ZSCAN4: variants seen among roughly 807,000 people sequenced by gnomAD.
ZSCAN4 encodes zinc finger and SCAN domain-containing protein 4.
In ZSCAN4, 18 loss-of-function variants were observed where a neutral mutation model predicts 18.3. That is an observed-to-expected ratio of 0.98 (90% CI 0.68 to 1.46). ZSCAN4 has a LOEUF of 1.46. ZSCAN4 is among the 40% of genes most tolerant of loss of function. The pLI is 0.00. For synonymous variants in ZSCAN4, 193 were observed against 180.3 expected (o/e 1.07, Z -0.57); for missense variants, 498 against 511.4 (o/e 0.97, Z 0.25).
At chr19:57,665,446 C>T (rs989662530), upstream of ZSCAN4, among the ~76,000 whole-genome samples, 1 of 152,060 alleles carries the variant, frequency 6.6e-6, no homozygotes, top group Non-Finnish European at 1.5e-5. Flanking sequence ...TCTGCAGACA[C>T]AAATATGTTT....
the ZSCAN4 span, among the ~76,000 whole-genome samples, chr19:57,663,343 C>T: frequency 6.6e-6 from 1 of 151,470 alleles, no homozygotes; most frequent in Non-Finnish European, 1.5e-5. Context: ...CACATACACA[C>T]ACATTTCCTT....
At chr19:57,676,497 T>C (rs986869398) in exon 3 of ZSCAN4, 11 of 1,613,916 alleles carry the variant, frequency 6.8e-6, no homozygotes, top group Non-Finnish European at 9.3e-6. Context: ...CTTGGAGAGA[T>C]TCATAGAAGA....
chr19:57,655,518 T>C, the ZSCAN4 span, among the ~76,000 whole-genome samples: 2 of 152,188 alleles, frequency 1.3e-5, no homozygotes, highest in Non-Finnish European at 2.9e-5. Context: ...AAGGATCTTA[T>C]GTGTGTCTAT....
the ZSCAN4 span, among the ~76,000 whole-genome samples, chr19:57,660,117 A>T: frequency 1.1e-4 from 16 of 152,194 alleles, no homozygotes; most frequent in Non-Finnish European, 2.1e-4. Flanking sequence ...CATCATTCTG[A>T]CACCAGATGC....
At chr19:57,677,988 C>G in exon 4 of ZSCAN4, 1 of 1,602,568 alleles carries the variant, frequency 6.2e-7, no homozygotes, top group Non-Finnish European at 8.5e-7. Context: ...TTGTTCATCT[C>G]ACAAAACAAG....
At chr19:57,678,108 G>T (rs145363104) in intron 4 of ZSCAN4, 29 bp downstream of exon 4, 2 of 1,590,482 alleles carry the variant, frequency 1.3e-6, no homozygotes, top group South Asian at 2.3e-5. Flanking sequence ...CACAACTGAG[G>T]AGTGTTCTAT....
chr19:57,659,063 T>C, the ZSCAN4 span, among the ~76,000 whole-genome samples: 3 of 152,076 alleles, frequency 2.0e-5, no homozygotes, highest in Admixed American at 2.0e-4. Flanking sequence ...ACAAGAAATA[T>C]ATAATCTGTA....
At chr19:57,673,248 C>T (rs1352629654) in intron 2 of ZSCAN4, among the ~76,000 whole-genome samples, 1 of 151,866 alleles carries the variant, frequency 6.6e-6, no homozygotes, top group South Asian at 2.1e-4. Flanking sequence ...AGGGTTTCAC[C>T]ACGTCTCATC....
At chr19:57,672,604 C>CTT (rs71188041) in intron 2 of ZSCAN4, among the ~76,000 whole-genome samples, 15 of 137,290 alleles carry the variant, frequency 1.1e-4, no homozygotes, top group African/African-American at 3.5e-4. Context: ...ACATAGTTAT[C>CTT]TTTTTTTTTT....
At chr19:57,668,184 A>C (rs947083321), upstream of ZSCAN4, among the ~76,000 whole-genome samples, 66 of 152,056 alleles carry the variant, frequency 4.3e-4, no homozygotes, top group African/African-American at 1.5e-3. Flanking sequence ...GATTACAGGC[A>C]TGAGCCACTG....
chr19:57,653,247 C>T, the ZSCAN4 span, among the ~76,000 whole-genome samples: 2 of 152,198 alleles, frequency 1.3e-5, no homozygotes, highest in East Asian at 3.9e-4. Context: ...ATTAGCCGGG[C>T]ATGGTGGTAC....
At chr19:57,677,567 TAATC>T (rs1251698989) in intron 3 of ZSCAN4, among the ~76,000 whole-genome samples, 1 of 152,208 alleles carries the variant, frequency 6.6e-6, no homozygotes. Context: ...AGTTCAGGAT[TAATC>T]AATAATATAT....
the ZSCAN4 span, among the ~76,000 whole-genome samples, chr19:57,659,697 A>T: frequency 6.6e-6 from 1 of 152,098 alleles, no homozygotes; most frequent in Non-Finnish European, 1.5e-5. Flanking sequence ...ATGACTAAAA[A>T]ACTCACACAC....
At chr19:57,658,853 A>AAG in the ZSCAN4 span, among the ~76,000 whole-genome samples, 7 of 150,916 alleles carry the variant, frequency 4.6e-5, no homozygotes, top group African/African-American at 1.7e-4. Flanking sequence ...AAAAAAAAAA[A>AAG]GAAGTAATAT....
chr19:57,654,853 G>T, the ZSCAN4 span, among the ~76,000 whole-genome samples: 115 of 152,220 alleles, frequency 7.6e-4, no homozygotes, highest in African/African-American at 2.7e-3. Flanking sequence ...TATTCCCACA[G>T]GGGGGCTGGA....
At chr19:57,667,484 T>C (rs762809102), upstream of ZSCAN4, among the ~76,000 whole-genome samples, 3 of 152,190 alleles carry the variant, frequency 2.0e-5, no homozygotes, top group Non-Finnish European at 4.4e-5. Flanking sequence ...TGGAGTTATT[T>C]AGGATCTACT....
chr19:57,655,015 A>T, the ZSCAN4 span, among the ~76,000 whole-genome samples: 1 of 151,996 alleles, frequency 6.6e-6, no homozygotes, highest in African/African-American at 2.4e-5. Flanking sequence ...CAGCTTCTAA[A>T]CTTTCTCCAT....
chr19:57,668,364 TG>T (rs909229916), upstream of ZSCAN4, among the ~76,000 whole-genome samples: 5 of 152,122 alleles, frequency 3.3e-5, no homozygotes, highest in African/African-American at 1.2e-4. Flanking sequence ...GGAGTATATG[TG>T]GATGAAACTC....
the ZSCAN4 span, among the ~76,000 whole-genome samples, chr19:57,663,519 C>CAAAAAAAAAAAAAAAAAAAA: frequency 4.9e-4 from 9 of 18,308 alleles, no homozygotes; most frequent in African/African-American, 2.0e-3. Flanking sequence ...AACCATGTCT[C>CAAAAAAAAAAAAAAAAAAAA]TAAAAAAAAA....
Sources: gnomAD v4.1 joint callset for allele counts (sites outside exome capture counted in the v4.1 genomes callset) on GRCh38, gnomAD v4.1.1 for gene constraint, MANE v1.5 for transcripts, NCBI Gene and HGNC (gene_info 2026-07-23, HGNC 2026-07-21) for gene names.